Variants in PKP2 observed in about 807,000 individuals in gnomAD.
The protein encoded by PKP2 is plakophilin 2, also known as plakophilin-2.
PKP2 carries 73 observed loss-of-function variants against 83.4 expected under a neutral mutation model. That is an observed-to-expected ratio of 0.88 (90% CI 0.72 to 1.06). The LOEUF (loss-of-function observed/expected upper bound fraction) is 1.06, where lower values mean the gene tolerates loss of function less well. PKP2 is among the 50% of genes least tolerant of loss of function. The pLI, the probability that PKP2 is intolerant of heterozygous loss-of-function variation, is 0.00. For missense variants in PKP2, 966 were observed against 1,065.4 expected (o/e 0.91, Z 1.30); for synonymous variants, 409 against 430.4 (o/e 0.95, Z 0.62).
At chr12:32,826,962 G>C (rs750691565) in intron 6 of PKP2, among the ~76,000 whole-genome samples, 1 of 152,186 alleles carries the variant, frequency 6.6e-6, no homozygotes, top group Non-Finnish European at 1.5e-5. Context: ...CATTCAGTCT[G>C]CAAATACCAT....
intron 11 of PKP2, among the ~76,000 whole-genome samples, chr12:32,793,927 C>T (rs1443733900): frequency 6.6e-6 from 1 of 152,092 alleles, no homozygotes; most frequent in East Asian, 1.9e-4. Flanking sequence ...CCTAAATGTC[C>T]CACCTCTGGC....
At chr12:32,889,742 G>A (rs748467339) in intron 1 of PKP2, among the ~76,000 whole-genome samples, 3 of 152,158 alleles carry the variant, frequency 2.0e-5, no homozygotes, top group Non-Finnish European at 2.9e-5. Flanking sequence ...ATACGGAGAG[G>A]AAGGAAAGTT....
chr12:32,793,034 G>A (rs1229028348), intron 11 of PKP2, among the ~76,000 whole-genome samples: 1 of 152,036 alleles, frequency 6.6e-6, no homozygotes, highest in Non-Finnish European at 1.5e-5. Context: ...GGTAGATCAC[G>A]AGGTCAGACC....
At chr12:32,811,224 T>C (rs1373543510) in intron 9 of PKP2, among the ~76,000 whole-genome samples, 2 of 152,224 alleles carry the variant, frequency 1.3e-5, no homozygotes, top group African/African-American at 4.8e-5. Flanking sequence ...CACAAGTTTT[T>C]ATCTATCACC....
chr12:32,850,851 CA>C lies in PKP2; in HGVS notation c.1292del (p.Leu431TrpfsTer6). The C allele has an allele frequency of 6.2e-7, 1 of 1,613,916 alleles. No individual in the cohort carries two copies. The highest frequency in any genetic ancestry group is 1.3e-5 in the African/African-American group (1 of 75,026). On this transcript the variant is annotated frameshift_variant, in exon 5 of 13. Transcript: ENST00000340811. LOFTEE classifies it high-confidence loss of function. ...NLVFEDNDNK[L>X]EVAELNGVPR... Reference sequence around the variant, plus strand: ...GTACCCCATTTAGTTCAGCCACCTCCAATTTGTTGTCATTGTCTTCAAATAC... The same window carrying C: ...GTACCCCATTTAGTTCAGCCACCTCCATTTGTTGTCATTGTCTTCAAATAC...
chr12:32,802,173 T>A (rs1244538958), intron 10 of PKP2, among the ~76,000 whole-genome samples: 2 of 76,048 alleles, frequency 2.6e-5, no homozygotes, highest in Non-Finnish European at 5.8e-5. Context: ...ATTTCTCTTT[T>A]GTAGTAATTT....
chr12:32,895,397 G>A (rs1235927585), intron 1 of PKP2, among the ~76,000 whole-genome samples: 2 of 152,082 alleles, frequency 1.3e-5, no homozygotes, highest in African/African-American at 4.8e-5. Context: ...CTCTGGTCTG[G>A]CCTGTTAGAA....
At chr12:32,881,031 T>C (rs903495723) in intron 1 of PKP2, among the ~76,000 whole-genome samples, 16 of 152,188 alleles carry the variant, frequency 1.1e-4, no homozygotes, top group African/African-American at 3.6e-4. Context: ...CACATCAACA[T>C]AACTTTTCCA....
chr12:32,863,018 AAT>A (rs1157347299), intron 4 of PKP2: 1 of 152,662 alleles, frequency 6.6e-6, no homozygotes, highest in Non-Finnish European at 1.5e-5. Context: ...TAAAGAAAGA[AAT>A]AAAGAAGTAT....
intron 1 of PKP2, among the ~76,000 whole-genome samples, chr12:32,887,418 C>T (rs1278905769): frequency 6.6e-6 from 1 of 152,188 alleles, no homozygotes; most frequent in Non-Finnish European, 1.5e-5. Context: ...CAAATCACTG[C>T]TCTAGGTAAT....
intron 9 of PKP2, among the ~76,000 whole-genome samples, chr12:32,809,037 G>A (rs1255873006): frequency 6.6e-6 from 1 of 152,210 alleles, no homozygotes; most frequent in Non-Finnish European, 1.5e-5. Context: ...GAAGCAGTCT[G>A]GCTGTAGAGC....
At chr12:32,864,140 GTTC>G (rs1019025962) in intron 4 of PKP2, among the ~76,000 whole-genome samples, 13 of 152,188 alleles carry the variant, frequency 8.5e-5, no homozygotes, top group African/African-American at 2.9e-4. Context: ...TAGAAGGGAA[GTTC>G]TTCAACTTGA....
intron 6 of PKP2, among the ~76,000 whole-genome samples, chr12:32,835,564 AAAAG>A (rs1565585142): frequency 1.2e-4 from 19 of 152,248 alleles, no homozygotes; most frequent in Admixed American, 1.2e-3. Flanking sequence ...AAGAGGAAAA[AAAAG>A]AAAGAAAAAA....
At chr12:32,865,273 G>A (rs1054535239) in intron 4 of PKP2, among the ~76,000 whole-genome samples, 9 of 151,718 alleles carry the variant, frequency 5.9e-5, no homozygotes, top group Non-Finnish European at 2.9e-5. Flanking sequence ...TCTTCAGAAG[G>A]CTGAGGCAGG....
intron 4 of PKP2, chr12:32,863,317 G>A (rs1032795908): frequency 6.6e-5 from 17 of 259,454 alleles, no homozygotes; most frequent in African/African-American, 3.7e-4. Flanking sequence ...AGTAATCTGG[G>A]GAAAGGTAAC....
chr12:32,825,686 T>TG (rs748434618), intron 6 of PKP2, among the ~76,000 whole-genome samples: 60 of 152,266 alleles, frequency 3.9e-4, no homozygotes, highest in Non-Finnish European at 7.8e-4. Flanking sequence ...GAGGACTGCT[T>TG]GAGCCCAGGA....
At chr12:32,797,320 C>T (rs1956135041) in intron 10 of PKP2, among the ~76,000 whole-genome samples, 4 of 151,230 alleles carry the variant, frequency 2.6e-5, no homozygotes, top group African/African-American at 4.9e-5. Flanking sequence ...CATGCCTGTG[C>T]CTGTAGTCCC....
chr12:32,834,245 C>T (rs1444446706), intron 6 of PKP2, among the ~76,000 whole-genome samples: 1 of 152,120 alleles, frequency 6.6e-6, no homozygotes, highest in African/African-American at 2.4e-5. Context: ...GGTCCCATTC[C>T]CTTTTGAAAT....
At position 32,896,590 on chromosome 12, in the gene PKP2, C is replaced by A; in HGVS notation, c.142G>T (p.Gly48Cys). Residue 48 changes from glycine to cysteine, a missense_variant, in exon 1 of 13, where the codon GGC becomes TGC. Coordinates refer to ENST00000340811, the MANE Select transcript of PKP2 (RefSeq NM_001005242.3). ...ATCCGCAGGCTCTTGACTGTCTGGCCGCCGCGGCCGCTGCTCCCCGCCAGC... is the reference window on the plus strand; with the variant it reads ...ATCCGCAGGCTCTTGACTGTCTGGCAGCCGCGGCCGCTGCTCCCCGCCAGC... ...LKLAGSSGRG[G>C]QTVKSLRIQE... The A allele has an allele frequency of 6.3e-7, 1 of 1,586,712 alleles. No individual in the cohort carries two copies.
Sources: gnomAD v4.1 joint callset for allele counts (sites outside exome capture counted in the v4.1 genomes callset) on GRCh38, gnomAD v4.1.1 for gene constraint, MANE v1.5 for transcripts, NCBI Gene and HGNC (gene_info 2026-07-23, HGNC 2026-07-21) for gene names.